Variants in PDE1C observed in about 807,000 individuals in gnomAD.
PDE1C encodes the protein dual specificity calcium/calmodulin-dependent 3',5'-cyclic nucleotide phosphodiesterase 1C.
A neutral mutation model predicts 93.1 loss-of-function variants in PDE1C; 62 were observed. That is an observed-to-expected ratio of 0.67 (90% CI 0.54 to 0.82). The LOEUF is 0.82. Among genes scored for constraint, PDE1C ranks in the 40% least tolerant of loss-of-function variants. The pLI is 0.00. For synonymous variants in PDE1C, 325 were observed against 310.1 expected, an observed-to-expected ratio of 1.05 and a Z score of -0.50; for missense variants, 742 against 884.6, an observed-to-expected ratio of 0.84 and a Z score of 2.04.
chr7:32,062,382 G>A (rs928066244), intron 1 of PDE1C, among the ~76,000 whole-genome samples: 8 of 152,154 alleles, frequency 5.3e-5, no homozygotes, highest in African/African-American at 1.2e-4. Flanking sequence ...TGTGTCTGGA[G>A]CCTTCGCCTC....
intron 15 of PDE1C, among the ~76,000 whole-genome samples, chr7:31,810,070 C>A (rs1392193273): frequency 6.6e-6 from 1 of 152,104 alleles, no homozygotes; most frequent in African/African-American, 2.4e-5. Flanking sequence ...ACAGGCAAAG[C>A]CAGAAATATT....
intron 1 of PDE1C, among the ~76,000 whole-genome samples, chr7:32,328,718 G>A (rs1050088313): frequency 3.3e-5 from 5 of 151,974 alleles, no homozygotes; most frequent in Non-Finnish European, 5.9e-5. Flanking sequence ...ATCCTCAGGT[G>A]AGAACTCCTA....
chr7:32,070,620 A>C, upstream of PDE1C: 1 of 1,411,702 alleles, frequency 7.1e-7, no homozygotes, highest in Non-Finnish European at 9.2e-7. Context: ...GGAACCAGCC[A>C]TGGTCCCGGG....
intron 2 of PDE1C, among the ~76,000 whole-genome samples, chr7:32,200,983 T>C (rs1199593969): frequency 2.0e-5 from 3 of 152,226 alleles, no homozygotes; most frequent in African/African-American, 7.2e-5. Flanking sequence ...AGGTCTTATC[T>C]CCTCTCCCCA....
At chr7:31,841,219 C>CTCTCTCTCTG (rs1331030975) in intron 9 of PDE1C, among the ~76,000 whole-genome samples, 3 of 108,392 alleles carry the variant, frequency 2.8e-5, no homozygotes, top group African/African-American at 1.2e-4. Context: ...GTCTCTCTCT[C>CTCTCTCTCTG]TCTCTCTCTA....
chr7:31,832,171 A>T (rs899426732), intron 11 of PDE1C, among the ~76,000 whole-genome samples: 2 of 152,138 alleles, frequency 1.3e-5, no homozygotes, highest in African/African-American at 4.8e-5. Context: ...AAAGGAAAAA[A>T]CTCACCAACA....
At chr7:31,642,322 C>A in the PDE1C span, 1 of 1,101,536 alleles carries the variant, frequency 9.1e-7, no homozygotes, top group South Asian at 1.5e-5. Flanking sequence ...CCCTATCAAC[C>A]AGGCTGCCAC....
chr7:31,915,983 T>G (rs756166756), intron 2 of PDE1C, among the ~76,000 whole-genome samples: 4 of 152,194 alleles, frequency 2.6e-5, no homozygotes, highest in Non-Finnish European at 5.9e-5. Context: ...AAGGCCTGTC[T>G]GTTCAGATTT....
intron 16 of PDE1C, among the ~76,000 whole-genome samples, chr7:31,779,352 G>A (rs989591930): frequency 4.6e-5 from 7 of 152,140 alleles, no homozygotes; most frequent in East Asian, 1.9e-4. Context: ...CTGTAGAAAC[G>A]CTATTGCCAG....
At chr7:32,191,063 T>C (rs1262367246) in intron 2 of PDE1C, among the ~76,000 whole-genome samples, 1 of 152,060 alleles carries the variant, frequency 6.6e-6, no homozygotes, top group East Asian at 1.9e-4. Flanking sequence ...ACAGAGGAGG[T>C]CAGCTTGAAG....
chr7:32,405,999 C>A (rs1330170545), intron 1 of PDE1C, among the ~76,000 whole-genome samples: 2 of 152,136 alleles, frequency 1.3e-5, no homozygotes, highest in African/African-American at 2.4e-5. Flanking sequence ...TTCAAAGAAC[C>A]TTTCATGTCC....
chr7:31,710,694 C>T, the PDE1C span, among the ~76,000 whole-genome samples: 1 of 152,166 alleles, frequency 6.6e-6, no homozygotes, highest in Non-Finnish European at 1.5e-5. Context: ...AATGAGGCTC[C>T]CTTGCCACTC....
intron 2 of PDE1C, among the ~76,000 whole-genome samples, chr7:31,989,911 C>T (rs1783948780): frequency 1.3e-5 from 2 of 152,186 alleles, no homozygotes; most frequent in South Asian, 4.1e-4. Flanking sequence ...AGCCATTCAC[C>T]AATTCAATTA....
chr7:31,734,703 T>C, the PDE1C span, among the ~76,000 whole-genome samples: 5 of 152,242 alleles, frequency 3.3e-5, no homozygotes, highest in African/African-American at 1.2e-4. Flanking sequence ...TGTTGTCCCA[T>C]CTCATTTCAA....
chr7:31,904,175 C>T (rs543924282), intron 2 of PDE1C, among the ~76,000 whole-genome samples: 1 of 152,210 alleles, frequency 6.6e-6, no homozygotes, highest in South Asian at 2.1e-4. Context: ...CGGAAAATGC[C>T]TGTCCTTTCA....
At chr7:32,364,258 A>G (rs1784188947) in intron 1 of PDE1C, among the ~76,000 whole-genome samples, 1 of 152,228 alleles carries the variant, frequency 6.6e-6, no homozygotes. Flanking sequence ...TTTTTTAAGT[A>G]CAGATCTGGT....
chr7:32,241,385 A>G, intron 1 of PDE1C, among the ~76,000 whole-genome samples: 1 of 152,164 alleles, frequency 6.6e-6, no homozygotes, highest in Admixed American at 6.5e-5. Flanking sequence ...TTTAAGAAGG[A>G]GGGAGTGGCC....
At chr7:32,251,019 C>T (rs1809332509) in intron 1 of PDE1C, among the ~76,000 whole-genome samples, 1 of 152,214 alleles carries the variant, frequency 6.6e-6, no homozygotes, top group Non-Finnish European at 1.5e-5. Flanking sequence ...AAGCATGATG[C>T]AGATAAAGAA....
At chr7:31,993,832 A>G (rs1401901465) in intron 2 of PDE1C, among the ~76,000 whole-genome samples, 2 of 152,208 alleles carry the variant, frequency 1.3e-5, no homozygotes, top group Non-Finnish European at 1.5e-5. Context: ...AAAGAAAATG[A>G]TGAACTAAAG....
Sources: allele counts gnomAD v4.1 joint callset (sites outside exome capture counted in the v4.1 genomes callset), GRCh38; gene constraint gnomAD v4.1.1; transcripts MANE v1.5; gene names NCBI Gene and HGNC (gene_info 2026-07-23, HGNC 2026-07-21).